Variants in SVEP1 observed in about 807,000 individuals in gnomAD.
SVEP1 encodes sushi, von Willebrand factor type A, EGF and pentraxin domain containing 1, also known as sushi, von Willebrand factor type A, EGF and pentraxin domain-containing protein 1.
SVEP1 carries 164 observed loss-of-function variants against 367.3 expected under a neutral mutation model. That is an observed-to-expected ratio of 0.45 (90% CI 0.39 to 0.51). The LOEUF (loss-of-function observed/expected upper bound fraction) is 0.51. Ranked by LOEUF, SVEP1 falls within the 20% of genes least tolerant of loss-of-function variation. The probability of loss-of-function intolerance (pLI) is 0.00; values close to 1 mark genes in which losing one functional copy is unlikely to be tolerated. For missense variants in SVEP1, 4,117 were observed against 4,425.3 expected, an observed-to-expected ratio of 0.93 and a Z score of 1.98; for synonymous variants, 1,666 against 1,611.6, an observed-to-expected ratio of 1.03 and a Z score of -0.81.
chr9:110,542,932 T>C lies in SVEP1; in HGVS notation c.964+3183A>G, dbSNP rs190436967. ...ATACGTATGTAACAAACCTGCACGT[T>C]GTGCACATGTACCCTAGAACTTAAA... is the stretch of plus-strand genomic sequence containing the variant. On this transcript the variant is annotated intron_variant, in intron 3 of 47. Coordinates refer to ENST00000374469, the MANE Select transcript of SVEP1 (RefSeq NM_153366.4). Among the ~76,000 whole-genome samples the C allele has an allele frequency of 8.6e-3, 1,284 of 150,154 alleles. 18 individuals carry two copies. The highest frequency in any genetic ancestry group is 0.03 in the African/African-American group (1,228 of 41,000).
chr9:110,560,744 T>G (rs928547036), intron 1 of SVEP1, among the ~76,000 whole-genome samples: 1 of 152,188 alleles, frequency 6.6e-6, no homozygotes, highest in Non-Finnish European at 1.5e-5. Flanking sequence ...TATGGTGCCT[T>G]CTTTCTGACC....
intron 17 of SVEP1, among the ~76,000 whole-genome samples, chr9:110,467,553 G>A (rs748681410): frequency 6.6e-6 from 1 of 151,978 alleles, no homozygotes; most frequent in South Asian, 2.1e-4. Flanking sequence ...GTTTAGTATC[G>A]TACCCCTGGG....
rs757404699 is a variant in SVEP1, at chr9:110,377,340, C to G, written c.10435G>C (p.Gly3479Arg). Reference protein sequence around the residue: ...RAVCRFPCQNGGICQRPNACS... With the variant: ...RAVCRFPCQNRGICQRPNACS... ...GCATTTGGGCGTTGGCAGATGCCCC[C>G]ATTCTGACATGGAAATCGACAGACA... Residue 3479 changes from glycine to arginine, a missense_variant, in exon 45 of 48, where the codon GGG becomes CGG. Physicochemically the swap from Gly to Arg is moderately radical, Grantham distance 125. Transcript: ENST00000374469. The G allele has an allele frequency of 1.2e-6, 2 of 1,613,800 alleles. No homozygotes were observed. Among genetic ancestry groups the G allele is most frequent in the Non-Finnish European group, 1.7e-6 (2 of 1,179,744 alleles).
chr9:110,528,156 G>A (rs12004416), intron 3 of SVEP1, among the ~76,000 whole-genome samples: 4,203 of 33,772 alleles, frequency 0.12, 311 homozygotes, highest in South Asian at 0.21. Flanking sequence ...GTGTGTGTGT[G>A]TATATATATA....
chr9:110,458,210 G>T (rs59023084), intron 20 of SVEP1: 7,200 of 585,462 alleles, frequency 0.012, 384 homozygotes, highest in African/African-American at 0.12. Context: ...TGAATCAAAA[G>T]GCTCCCCCTG....
intron 34 of SVEP1, 26 bp downstream of exon 34, chr9:110,429,894 A>G: frequency 6.3e-7 from 1 of 1,595,714 alleles, no homozygotes; most frequent in Admixed American, 1.7e-5. Flanking sequence ...ATCTTCTACA[A>G]TATAGTTTTA....
At chr9:110,475,901 T>A (rs1829091254) in intron 14 of SVEP1, 1 of 224,896 alleles carries the variant, frequency 4.4e-6, no homozygotes, top group Non-Finnish European at 8.6e-6. Flanking sequence ...CTGTTAGGAC[T>A]TTATTACTAT....
Position 110,499,035 on chromosome 9 carries a change from A to G in SVEP1, c.1681+6T>C, listed in dbSNP as rs1214491436. 1.2e-6 allele frequency: 2 copies of G among 1,611,992 alleles called. No individual in the cohort carries two copies. Among genetic ancestry groups the G allele is most frequent in the Non-Finnish European group, 1.7e-6 (2 of 1,178,848 alleles). ...GATTTTTAGCCTGACTAGTGTAGAG[A>G]CCTACCTTTACACACAGCTGCCTGA... On this transcript the variant is annotated splice_donor_region_variant and intron_variant, in intron 7 of 47. Coordinates refer to ENST00000374469, the MANE Select transcript of SVEP1 (RefSeq NM_153366.4).
intron 5 of SVEP1, among the ~76,000 whole-genome samples, chr9:110,509,032 T>A (rs570879056): frequency 5.9e-5 from 9 of 152,140 alleles, no homozygotes; most frequent in Admixed American, 1.3e-4. Flanking sequence ...TATAATTAAA[T>A]CTGTAAAAAT....
intron 1 of SVEP1, among the ~76,000 whole-genome samples, chr9:110,572,020 A>T (rs889485840): frequency 6.6e-6 from 1 of 152,224 alleles, no homozygotes; most frequent in Admixed American, 6.5e-5. Context: ...TTGGCTTTAC[A>T]TCTTGTGTAA....
chr9:110,561,852 T>A (rs1304283839), intron 1 of SVEP1, among the ~76,000 whole-genome samples: 1 of 152,208 alleles, frequency 6.6e-6, no homozygotes, highest in African/African-American at 2.4e-5. Flanking sequence ...TTTAAGTATT[T>A]ACTTGGGCTT....
At chr9:110,404,214 G>T in intron 39 of SVEP1, 113 bp downstream of exon 39, 4 of 1,000,446 alleles carry the variant, frequency 4.0e-6, no homozygotes, top group Non-Finnish European at 5.9e-6. Context: ...CCTTTGAAAT[G>T]AGTGAAAACT....
rs958643970 is a variant in SVEP1, at chr9:110,432,690, C to T, written c.5060-55G>A. ...CATTAAGAGCAAAATACTCCAAGAACACTTTATTTGTATTAAACTAGCAGT... is the reference window on the plus strand; with the variant it reads ...CATTAAGAGCAAAATACTCCAAGAATACTTTATTTGTATTAAACTAGCAGT... On this transcript the variant is annotated intron_variant, in intron 30 of 47. Transcript: ENST00000374469. 1.1e-4 allele frequency: 163 copies of T among 1,542,718 alleles called. 2 individuals are homozygous for T. The Admixed American group carries it at 3.3e-3, about 31-fold the overall frequency.
At chr9:110,399,828 C>G (rs1413447162) in intron 40 of SVEP1, among the ~76,000 whole-genome samples, 1 of 152,084 alleles carries the variant, frequency 6.6e-6, no homozygotes, top group African/African-American at 2.4e-5. Flanking sequence ...GTCACGACAC[C>G]CAGCCAAAAC....
At chr9:110,426,176 A>G (rs573994899) in intron 36 of SVEP1, among the ~76,000 whole-genome samples, 1 of 152,220 alleles carries the variant, frequency 6.6e-6, no homozygotes, top group Non-Finnish European at 1.5e-5. Flanking sequence ...TCACTTAAGA[A>G]GATGTTAAGA....
chr9:110,427,556 T>G, intron 36 of SVEP1, 35 bp downstream of exon 36: 1 of 1,592,976 alleles, frequency 6.3e-7, no homozygotes, highest in Non-Finnish European at 8.5e-7. Flanking sequence ...CTTCCTTGGC[T>G]CTCAATGATC....
Position 110,408,969 on chromosome 9 carries a change from A to G in SVEP1, c.6649-18T>C. The stretch of plus-strand genomic sequence containing the variant: ...GTTGTATGCTGTGCAACAGGAAGAA[A>G]GCAAGTGAGTGCGATTTGTATAACA... On this transcript the variant is annotated intron_variant, in intron 37 of 47. Coordinates refer to ENST00000374469, the MANE Select transcript of SVEP1 (RefSeq NM_153366.4). 6.5e-7 allele frequency: 1 copy of G among 1,539,496 alleles called. No homozygotes were observed. The highest frequency in any genetic ancestry group is 8.7e-7 in the Non-Finnish European group (1 of 1,146,822).
intron 1 of SVEP1, among the ~76,000 whole-genome samples, chr9:110,570,111 T>A (rs1830537586): frequency 6.6e-6 from 1 of 152,118 alleles, no homozygotes; most frequent in Admixed American, 6.5e-5. Context: ...CCAGAGCAGG[T>A]TACTGTATGG....
chr9:110,459,251 TC>T, intron 18 of SVEP1, 138 bp from the exon 19 acceptor site: 1 of 678,862 alleles, frequency 1.5e-6, no homozygotes, highest in Non-Finnish European at 2.3e-6. Context: ...ACCCATACCA[TC>T]TTATCACCCA....
Sources: gnomAD v4.1 joint callset for allele counts (sites outside exome capture counted in the v4.1 genomes callset) on GRCh38, gnomAD v4.1.1 for gene constraint, MANE v1.5 for transcripts, NCBI Gene and HGNC (gene_info 2026-07-23, HGNC 2026-07-21) for gene names.